Variants in LRRC4C observed in about 807,000 individuals in gnomAD.
The protein encoded by LRRC4C is leucine-rich repeat-containing protein 4C.
In LRRC4C, 5 loss-of-function variants were observed where a neutral mutation model predicts 33.6. The observed-to-expected ratio is 0.15, with a 90% confidence interval of 0.08 to 0.31. The LOEUF (loss-of-function observed/expected upper bound fraction) is 0.31, where lower values mean the gene tolerates loss of function less well. LRRC4C is among the 10% of genes least tolerant of loss of function. The probability of loss-of-function intolerance (pLI) is 1.00; values close to 1 mark genes in which losing one functional copy is unlikely to be tolerated. For synonymous variants in LRRC4C, 329 were observed against 302.0 expected (o/e 1.09, Z -0.93); for missense variants, 560 against 796.7 (o/e 0.70, Z 3.58).
At chr11:40,755,364 C>T (rs117740926) in intron 2 of LRRC4C, among the ~76,000 whole-genome samples, 3,109 of 152,052 alleles carry the variant, frequency 0.02, 49 homozygotes, top group Non-Finnish European at 0.032. Context: ...AAAAGTAAGA[C>T]ACAGAGAGGT....
intron 2 of LRRC4C, among the ~76,000 whole-genome samples, chr11:40,792,024 C>A (rs899652094): frequency 2.0e-5 from 3 of 151,948 alleles, no homozygotes; most frequent in Non-Finnish European, 4.4e-5. Flanking sequence ...TTTACTCCAC[C>A]AAGCGCTCTT....
intron 1 of LRRC4C, among the ~76,000 whole-genome samples, chr11:41,220,419 G>C (rs567586880): frequency 3.1e-3 from 464 of 151,826 alleles, no homozygotes; most frequent in Non-Finnish European, 4.6e-3. Flanking sequence ...GTTATCTGCT[G>C]TGCAACATTC....
chr11:41,335,650 G>C (rs1951429526), intron 1 of LRRC4C, among the ~76,000 whole-genome samples: 1 of 152,076 alleles, frequency 6.6e-6, no homozygotes, highest in African/African-American at 2.4e-5. Context: ...CTCACGTTAT[G>C]TCCAGCACCT....
intron 5 of LRRC4C, among the ~76,000 whole-genome samples, chr11:40,230,029 T>G (rs1026444405): frequency 2.0e-5 from 3 of 152,210 alleles, no homozygotes; most frequent in African/African-American, 7.2e-5. Flanking sequence ...GCAGTACTAA[T>G]TTCTCATCCA....
chr11:40,362,000 CA>C (rs1947977069), intron 3 of LRRC4C, among the ~76,000 whole-genome samples: 1 of 152,126 alleles, frequency 6.6e-6, no homozygotes, highest in South Asian at 2.1e-4. Flanking sequence ...CTGATAAAAA[CA>C]AGCAATGGGG....
chr11:40,739,046 T>C (rs1203675179), intron 2 of LRRC4C, among the ~76,000 whole-genome samples: 1 of 151,562 alleles, frequency 6.6e-6, no homozygotes, highest in East Asian at 1.9e-4. Flanking sequence ...TGTGTGTGTG[T>C]GTGTGTGGTG....
At chr11:40,787,493 A>C (rs1950459089) in intron 2 of LRRC4C, among the ~76,000 whole-genome samples, 1 of 152,208 alleles carries the variant, frequency 6.6e-6, no homozygotes, top group Non-Finnish European at 1.5e-5. Flanking sequence ...GCAGTTTTCA[A>C]CGTGATCCCA....
intron 1 of LRRC4C, among the ~76,000 whole-genome samples, chr11:41,429,291 C>A (rs1022328147): frequency 6.6e-6 from 1 of 152,160 alleles, no homozygotes; most frequent in South Asian, 2.1e-4. Context: ...GTCAATTAAA[C>A]CTCTTTCCTT....
intron 1 of LRRC4C, among the ~76,000 whole-genome samples, chr11:41,404,888 A>G (rs1954171003): frequency 6.6e-6 from 1 of 152,152 alleles, no homozygotes; most frequent in Non-Finnish European, 1.5e-5. Flanking sequence ...TGAGGAGGAC[A>G]TTCTTATTGC....
rs150440875 is a variant in LRRC4C at position 40,168,940 on chromosome 11, G to A, written c.-95-28087C>T. Among the ~76,000 whole-genome samples the A allele has an allele frequency of 2.0e-4, 30 of 152,192 alleles. No individual in the cohort carries two copies. In the East Asian group the frequency reaches 5.6e-3, roughly 29 times the overall value. ...ATCGCCTTCATGTTTCCTCTTATAA[G>A]GGAATAGACTAGAGTCACCCCATGT... On this transcript the variant is annotated intron_variant, in intron 5 of 6. Coordinates refer to ENST00000528697, the MANE Select transcript of LRRC4C (RefSeq NM_001258419.2).
chr11:41,015,013 T>C (rs1014799194), intron 1 of LRRC4C, among the ~76,000 whole-genome samples: 1 of 152,144 alleles, frequency 6.6e-6, no homozygotes, highest in Non-Finnish European at 1.5e-5. Context: ...AGTGAAGAAA[T>C]TTTAAATGAC....
At chr11:40,863,786 AAC>A (rs1198060122) in intron 2 of LRRC4C, among the ~76,000 whole-genome samples, 6 of 152,192 alleles carry the variant, frequency 3.9e-5, no homozygotes, top group Non-Finnish European at 8.8e-5. Context: ...AATTTGGCCA[AAC>A]ACAACTTTTA....
At chr11:40,570,378 T>C (rs1286910461) in intron 3 of LRRC4C, among the ~76,000 whole-genome samples, 1 of 152,098 alleles carries the variant, frequency 6.6e-6, no homozygotes, top group African/African-American at 2.4e-5. Flanking sequence ...CAAAGCCAGT[T>C]TGGTATAGAA....
intron 1 of LRRC4C, among the ~76,000 whole-genome samples, chr11:41,220,767 G>A (rs758705894): frequency 4.6e-5 from 7 of 151,988 alleles, no homozygotes; most frequent in Non-Finnish European, 1.0e-4. Context: ...ATGATTTAAT[G>A]GGTAATTTTT....
chr11:40,964,429 TTACA>T (rs1851191554), intron 1 of LRRC4C, among the ~76,000 whole-genome samples: 1 of 151,950 alleles, frequency 6.6e-6, no homozygotes, highest in Non-Finnish European at 1.5e-5. Flanking sequence ...TGCAGGTTTG[TTACA>T]TATGTAAACA....
intron 1 of LRRC4C, among the ~76,000 whole-genome samples, chr11:41,163,301 T>TTTTTTTTTTTTTC (rs71063903): frequency 2.1e-5 from 3 of 140,594 alleles, no homozygotes; most frequent in Non-Finnish European, 4.6e-5. Context: ...TTTTTTTTTT[T>TTTTTTTTTTTTTC]CAAACAGGGT....
chr11:41,258,906 G>C (rs1948887695), intron 1 of LRRC4C, among the ~76,000 whole-genome samples: 1 of 151,940 alleles, frequency 6.6e-6, no homozygotes, highest in Non-Finnish European at 1.5e-5. Flanking sequence ...ACTGTTTCTA[G>C]TACAAATAAT....
intron 2 of LRRC4C, among the ~76,000 whole-genome samples, chr11:40,835,974 C>T (rs1483266168): frequency 6.6e-6 from 1 of 152,110 alleles, no homozygotes; most frequent in African/African-American, 2.4e-5. Context: ...ATCCAACATA[C>T]TTCATATTTA....
chr11:40,911,976 T>C (rs953025772), intron 2 of LRRC4C, among the ~76,000 whole-genome samples: 2 of 151,944 alleles, frequency 1.3e-5, no homozygotes, highest in African/African-American at 2.4e-5. Context: ...TGAAATGAAG[T>C]GAGAAGGGAA....
Sources: allele counts gnomAD v4.1 joint callset (sites outside exome capture counted in the v4.1 genomes callset), GRCh38; gene constraint gnomAD v4.1.1; transcripts MANE v1.5; gene names NCBI Gene and HGNC (gene_info 2026-07-23, HGNC 2026-07-21).